The following PICALM variants were observed in gnomAD, a reference collection of about 807,000 sequenced individuals.
PICALM encodes the protein phosphatidylinositol-binding clathrin assembly protein.
PICALM carries 40 observed loss-of-function variants against 80.5 expected under a neutral mutation model. The observed-to-expected ratio is 0.50, with a 90% confidence interval of 0.39 to 0.65. PICALM has a LOEUF of 0.65. Among genes scored for constraint, PICALM ranks in the 30% least tolerant of loss-of-function variants. PICALM has a pLI of 0.00. For synonymous variants in PICALM, 288 were observed against 260.3 expected (o/e 1.11, Z -1.02); for missense variants, 676 against 778.9 (o/e 0.87, Z 1.57).
chr11:86,019,069 A>C (rs2095525659), intron 4 of PICALM, among the ~76,000 whole-genome samples: 1 of 152,156 alleles, frequency 6.6e-6, no homozygotes, highest in African/African-American at 2.4e-5. Context: ...GACACACTAA[A>C]ATGTTAACAT....
chr11:86,036,226 T>A lies in PICALM; in HGVS notation c.131-4615A>T, dbSNP rs190855631. Among the ~76,000 whole-genome samples the A allele has an allele frequency of 1.7e-3, 253 of 152,340 alleles. 1 individual carries two copies. The highest frequency in any genetic ancestry group is 5.8e-3 in the African/African-American group (240 of 41,568). ...GAAATTAGACATAGGCTAATCAAAG[T>A]TAAACACAGGCAAATTTGCCTAGTC... On this transcript the variant is annotated intron_variant, in intron 1 of 19. Transcript: ENST00000393346.
chr11:85,962,113 G>A (rs2093709124), intron 19 of PICALM, among the ~76,000 whole-genome samples: 1 of 152,168 alleles, frequency 6.6e-6, no homozygotes, highest in Non-Finnish European at 1.5e-5. Flanking sequence ...CTACAGATGG[G>A]AGGACAGAGC....
At chr11:86,057,818 G>T (rs2096293037) in intron 1 of PICALM, among the ~76,000 whole-genome samples, 1 of 152,096 alleles carries the variant, frequency 6.6e-6, no homozygotes, top group African/African-American at 2.4e-5. Context: ...AAGTATTCAG[G>T]AGATGTGCAT....
intron 1 of PICALM, 101 bp from the exon 2 acceptor site, chr11:86,031,712 G>A: frequency 1.3e-6 from 1 of 789,754 alleles, no homozygotes; most frequent in Non-Finnish European, 2.0e-6. Context: ...AACACAAAGT[G>A]GAGCAGTAAT....
rs2093597257 is a variant in PICALM at position 85,959,008 on chromosome 11, C to G, written c.*38G>C. ...AAGTAAGGATTTTGCTGCTTGAGCA[C>G]TTGTCTTTTTGGAGTAATTCCATTT... is the stretch of plus-strand genomic sequence containing the variant. On this transcript the variant is annotated 3_prime_UTR_variant, in exon 20 of 20. Coordinates refer to ENST00000393346, the MANE Select transcript of PICALM (RefSeq NM_007166.4). 6.4e-7 allele frequency: 1 copy of G among 1,551,744 alleles called. No homozygotes were observed. The highest frequency in any genetic ancestry group is 2.3e-5 in the East Asian group (1 of 44,410).
intron 19 of PICALM, among the ~76,000 whole-genome samples, chr11:85,967,836 G>A (rs2093954536): frequency 6.6e-6 from 1 of 152,124 alleles, no homozygotes; most frequent in Admixed American, 6.5e-5. Context: ...ATATCTAAAG[G>A]CAACAGTGTT....
chr11:85,982,126 A>G (rs866045057), intron 14 of PICALM, 123 bp from the exon 15 acceptor site: 1 of 792,426 alleles, frequency 1.3e-6, no homozygotes. Context: ...AAAAATAGAC[A>G]TTAGTAAATG....
At chr11:85,986,643 G>A (rs1166235481) in intron 13 of PICALM, among the ~76,000 whole-genome samples, 4 of 152,018 alleles carry the variant, frequency 2.6e-5, no homozygotes. Flanking sequence ...ACCCGCCTCG[G>A]CCTCCCAGAG....
intron 19 of PICALM, among the ~76,000 whole-genome samples, chr11:85,965,771 C>G (rs1475382057): frequency 4.0e-5 from 6 of 148,322 alleles, no homozygotes; most frequent in Non-Finnish European, 7.5e-5. Flanking sequence ...GTAATGCCAA[C>G]ATTAACCCTG....
At chr11:85,985,422 T>G (rs569280800) in intron 13 of PICALM, among the ~76,000 whole-genome samples, 16 of 152,282 alleles carry the variant, frequency 1.1e-4, no homozygotes, top group Admixed American at 3.3e-4. Context: ...AGCGCACACA[T>G]TTTTAGAGAA....
At chr11:86,039,438 A>T (rs1193262036) in intron 1 of PICALM, among the ~76,000 whole-genome samples, 1 of 152,122 alleles carries the variant, frequency 6.6e-6, no homozygotes, top group African/African-American at 2.4e-5. Context: ...TTAAAAGGCA[A>T]TCCTCCCCCC....
chr11:86,017,176 T>C (rs1448694995), intron 4 of PICALM, among the ~76,000 whole-genome samples: 1 of 149,934 alleles, frequency 6.7e-6, no homozygotes, highest in Non-Finnish European at 1.5e-5. Context: ...GGAGCAGAGA[T>C]CACGCCACTG....
At chr11:86,059,095 C>T (rs1226212380) in intron 1 of PICALM, among the ~76,000 whole-genome samples, 1 of 152,152 alleles carries the variant, frequency 6.6e-6, no homozygotes, top group Non-Finnish European at 1.5e-5. Context: ...ATGTTACTGA[C>T]TCTATATATA....
At chr11:86,014,690 C>G (rs1273164605) in intron 5 of PICALM, among the ~76,000 whole-genome samples, 180 bp downstream of exon 5, 1 of 151,952 alleles carries the variant, frequency 6.6e-6, no homozygotes, top group Non-Finnish European at 1.5e-5. Flanking sequence ...AGAAATAAAT[C>G]CAAAACAGTC....
At chr11:86,030,138 G>A (rs1373527226) in intron 2 of PICALM, among the ~76,000 whole-genome samples, 1 of 152,134 alleles carries the variant, frequency 6.6e-6, no homozygotes, top group Non-Finnish European at 1.5e-5. Context: ...ACATGGCAAT[G>A]CTGATAGTGT....
intron 1 of PICALM, among the ~76,000 whole-genome samples, chr11:86,049,635 A>G (rs1038472474): frequency 2.0e-5 from 3 of 151,016 alleles, no homozygotes; most frequent in Non-Finnish European, 3.0e-5. Flanking sequence ...GTTTCATCAT[A>G]TTGGCCAGGC....
intron 19 of PICALM, among the ~76,000 whole-genome samples, chr11:85,965,789 G>A (rs2093857647): frequency 7.0e-6 from 1 of 143,476 alleles, no homozygotes. Context: ...CTGTCACCTT[G>A]AATGCATTAC....
At position 85,990,327 on chromosome 11, in the gene PICALM, C is replaced by G. The variant is rs774294297; in HGVS notation, c.1331G>C (p.Ser444Thr). 4.4e-6 allele frequency: 7 copies of G among 1,605,728 alleles called. No individual in the cohort carries two copies. The highest frequency in any genetic ancestry group is 2.7e-5 in the African/African-American group (2 of 74,878). Residue 444 changes from serine (S) to threonine (T), a missense_variant, in exon 13 of 20, where the codon AGT (serine) becomes ACT (threonine). Coordinates refer to ENST00000393346, the MANE Select transcript of PICALM (RefSeq NM_007166.4). Reference protein sequence around the residue: ...PSLNPFLTKSSGDVHLSISSD... With the variant: ...PSLNPFLTKSTGDVHLSISSD... ...AGAAATGGAAAGGTGAACATCACCA[C>G]TACTTTTTGTGAGGAAAGGATTTAA...
intron 1 of PICALM, among the ~76,000 whole-genome samples, chr11:86,058,470 T>C (rs375105813): frequency 2.0e-5 from 3 of 152,218 alleles, no homozygotes; most frequent in Non-Finnish European, 4.4e-5. Flanking sequence ...GTCCCTAGGA[T>C]GCTTTCAAGT....
Sources: gnomAD v4.1 joint callset for allele counts (sites outside exome capture counted in the v4.1 genomes callset) on GRCh38, gnomAD v4.1.1 for gene constraint, MANE v1.5 for transcripts, NCBI Gene and HGNC (gene_info 2026-07-23, HGNC 2026-07-21) for gene names.